TMEM184B: variants seen among roughly 807,000 people sequenced by gnomAD.
TMEM184B encodes putative MAPK-activating protein FM08.
In TMEM184B, 17 loss-of-function variants were observed where a neutral mutation model predicts 41.8. That is an observed-to-expected ratio of 0.41 (90% CI 0.28 to 0.61). TMEM184B has a LOEUF of 0.61. Ranked by LOEUF, TMEM184B falls within the 20% of genes least tolerant of loss-of-function variation. The pLI is 0.34. For missense variants in TMEM184B, 393 were observed against 557.8 expected (o/e 0.70, Z 2.98); for synonymous variants, 240 against 229.5 (o/e 1.05, Z -0.41).
At chr22:38,234,925 C>T (rs2091734517) in intron 3 of TMEM184B, among the ~76,000 whole-genome samples, 1 of 152,148 alleles carries the variant, frequency 6.6e-6, no homozygotes, top group Non-Finnish European at 1.5e-5. Flanking sequence ...TAACTCCTCC[C>T]TTGGTGGGGT....
chr22:38,230,261 A>G (rs1014953784), intron 5 of TMEM184B, among the ~76,000 whole-genome samples: 2 of 152,266 alleles, frequency 1.3e-5, no homozygotes. Context: ...CAGGAAATGC[A>G]GGGAGAGACG....
Position 38,246,789 on chromosome 22 carries a change from G to A in TMEM184B, c.193-689C>T, listed in dbSNP as rs2092040075. On this transcript the variant is annotated intron_variant, in intron 2 of 8. Coordinates refer to ENST00000361906, the MANE Select transcript of TMEM184B (RefSeq NM_012264.5). ...AAAAAAGTAAAAGCTACACACAAAT[G>A]CCAAGAGCTGCTCTACCACAGTCCT... The A allele has an allele frequency of 5.6e-6, 7 of 1,241,830 alleles. No individual in the cohort carries two copies. The South Asian group carries it at 9.7e-5, about 17-fold the overall frequency. The allele number at this position is 1,241,830 out of a possible 1,614,324, so 76.9% of individuals were successfully genotyped here.
Position 38,239,614 on chromosome 22 carries a change from C to T in TMEM184B, c.358+6321G>A, listed in dbSNP as rs554122397. On this transcript the variant is annotated intron_variant, in intron 3 of 8. Coordinates refer to ENST00000361906, the MANE Select transcript of TMEM184B (RefSeq NM_012264.5). This position sits in a 1 kb window ranked among gnomAD's most constrained non-coding sequence, Gnocchi z 4.6. The stretch of plus-strand genomic sequence containing the variant: ...CGCAGAAGCTGGTTAAAAGTCTCCA[C>T]GTGGAGCCACTGCATTACAAGTTTC... 2 of 152,284 alleles carry T rather than the reference C, an allele frequency of 1.3e-5. No homozygotes were observed. Among genetic ancestry groups the T allele is most frequent in the East Asian group, 1.9e-4 (1 of 5,186 alleles). The allele number at this position is 152,284 out of a possible 1,614,324, so 9.4% of individuals were successfully genotyped here. A position where few individuals can be genotyped will look rare whatever the true frequency, so the allele number is the denominator to read the frequency against.
In TMEM184B at chr22:38,220,864, T is replaced by C; in HGVS notation, c.*605A>G. On this transcript the variant is annotated 3_prime_UTR_variant, in exon 9 of 9. Transcript: ENST00000361906. ...GCCCAGGGGCCCTGAATGCCCTTCC[T>C]GGGTGGGGCCTGTGACTCCTGGTGT... The C allele has an allele frequency of 1.0e-6, 1 of 986,144 alleles. No homozygotes were observed. The highest frequency in any genetic ancestry group is 1.2e-6 in the Non-Finnish European group (1 of 830,134). 61.1% of individuals were successfully genotyped at this position (986,144 alleles called of 1,614,324 possible).
chr22:38,244,134 G>C (rs2091973809), intron 3 of TMEM184B, among the ~76,000 whole-genome samples: 1 of 152,132 alleles, frequency 6.6e-6, no homozygotes, highest in Admixed American at 6.5e-5. Context: ...GCTCCTGTTG[G>C]GCGCCTCCAT....
chr22:38,243,547 A>G (rs1020672026), intron 3 of TMEM184B, among the ~76,000 whole-genome samples: 2 of 152,282 alleles, frequency 1.3e-5, no homozygotes, highest in South Asian at 2.1e-4. Context: ...CACTTCGCCA[A>G]TTCCAGCCTT....
At position 38,221,186 on chromosome 22, in the gene TMEM184B, C is replaced by T; in HGVS notation, c.*283G>A. 3.9e-6 allele frequency: 5 copies of T among 1,289,350 alleles called. No homozygotes were observed. In the South Asian group the frequency reaches 1.0e-4, roughly 27 times the overall value. The allele number at this position is 1,289,350 out of a possible 1,614,324, so 79.9% of individuals were successfully genotyped here. On this transcript the variant is annotated 3_prime_UTR_variant, in exon 9 of 9. Coordinates refer to ENST00000361906, the MANE Select transcript of TMEM184B (RefSeq NM_012264.5). ...TGGGTGCGGCTGGTCCCAGCATGCC[C>T]CCAGCACAGGACGGGCAGCAGGGGC...
At position 38,246,050 on chromosome 22, in the gene TMEM184B, G is replaced by A. The variant is rs770633607; in HGVS notation, c.243C>T (p.Ile81=). The A allele has an allele frequency of 7.1e-5, 114 of 1,613,208 alleles. No individual in the cohort carries two copies. Among genetic ancestry groups the A allele is most frequent in the Middle Eastern group, 3.3e-4 (2 of 6,048 alleles). Residue 81 remains isoleucine, a synonymous_variant, in exon 3 of 9, where the codon ATC becomes ATT. Coordinates refer to ENST00000361906, the MANE Select transcript of TMEM184B (RefSeq NM_012264.5). ...TGGGCACGATGAAGAGGATGCGCAC[G>A]ATGTAGCGCTGCTCGTTGGGGCAGC... ...CYSCPNEQRY[I]VRILFIVPIY...
intron 1 of TMEM184B, 61 bp downstream of exon 1, chr22:38,272,823 C>T (rs888113496): frequency 3.0e-6 from 3 of 984,848 alleles, no homozygotes; most frequent in Non-Finnish European, 3.6e-6. Flanking sequence ...AGCAGCCCCC[C>T]GCGCTCGGGA....
chr22:38,247,131 A>G (rs994707671), intron 2 of TMEM184B, among the ~76,000 whole-genome samples: 2 of 152,118 alleles, frequency 1.3e-5, no homozygotes, highest in African/African-American at 4.8e-5. Context: ...CTTGACTTCT[A>G]TCCCACTCTA....
chr22:38,220,487 C>T lies in TMEM184B; in HGVS notation c.*982G>A, dbSNP rs190947479. ...GACCATTCCCCCCACCTCCCAGCTC[C>T]CCACTGTGTGGCCACCCCTCCCGGT... On this transcript the variant is annotated 3_prime_UTR_variant, in exon 9 of 9. Coordinates refer to ENST00000361906, the MANE Select transcript of TMEM184B (RefSeq NM_012264.5). 8 of 985,976 alleles carry T rather than the reference C, an allele frequency of 8.1e-6. No homozygotes were observed. In the East Asian group the frequency reaches 7.9e-4, roughly 98 times the overall value. The allele number at this position is 985,976 out of a possible 1,614,324, so 61.1% of individuals were successfully genotyped here. A position where few individuals can be genotyped will look rare whatever the true frequency, so the allele number is the denominator to read the frequency against.
At chr22:38,269,166 C>T in intron 1 of TMEM184B, among the ~76,000 whole-genome samples, 1 of 152,222 alleles carries the variant, frequency 6.6e-6, no homozygotes, top group Non-Finnish European at 1.5e-5. Flanking sequence ...CTCTGGGTCA[C>T]CAGAACTGCT....
rs553035267 is a variant in TMEM184B, at chr22:38,272,975, T to G, written c.-150A>C. 2.0e-4 allele frequency: 50 copies of G among 245,314 alleles called. 1 individual carries two copies. Among genetic ancestry groups the G allele is most frequent in the Middle Eastern group, 2.0e-3 (1 of 492 alleles). 15.2% of individuals were successfully genotyped at this position (245,314 alleles called of 1,614,324 possible). ...CGGGCGGCGCCGCAGCCCCGGAGTCTCCGCCGCCGCCGGCGCGTCCCGGGC... is the reference window on the plus strand; with the variant it reads ...CGGGCGGCGCCGCAGCCCCGGAGTCGCCGCCGCCGCCGGCGCGTCCCGGGC... On this transcript the variant is annotated 5_prime_UTR_variant, in exon 1 of 9. Transcript: ENST00000361906.
At position 38,244,460 on chromosome 22, in the gene TMEM184B, C is replaced by CT. The variant is rs561655176; in HGVS notation, c.358+1474dup. Among the ~76,000 whole-genome samples the CT allele has an allele frequency of 4.4e-3, 627 of 143,136 alleles. 4 individuals carry two copies. Among genetic ancestry groups the CT allele is most frequent in the African/African-American group, 0.014 (534 of 39,276 alleles). The allele number at this position is 143,136 out of a possible 152,430, so 93.9% of individuals were successfully genotyped here. On this transcript the variant is annotated intron_variant, in intron 3 of 8. Transcript: ENST00000361906. ...ATAGCATGGGTATCAATGTAGGGGT[C>CT]TTTTTTTTTTTTTGAGACAGAGTTT...
At chr22:38,271,596 T>C (rs879857531) in intron 1 of TMEM184B, among the ~76,000 whole-genome samples, 2 of 147,490 alleles carry the variant, frequency 1.4e-5, no homozygotes, top group Non-Finnish European at 3.0e-5. Flanking sequence ...CCCCGGGAAC[T>C]GAACCTGCCT....
chr22:38,246,498 G>A (rs1203697561), intron 2 of TMEM184B: 7 of 268,874 alleles, frequency 2.6e-5, no homozygotes, highest in East Asian at 8.9e-5. Flanking sequence ...ACCTCACTCC[G>A]GCTGTGACTG....
chr22:38,227,613 G>A (rs1439356642), intron 5 of TMEM184B, among the ~76,000 whole-genome samples: 1 of 152,204 alleles, frequency 6.6e-6, no homozygotes. Flanking sequence ...GGAGCCCAGA[G>A]CACGTGGACT....
chr22:38,221,586 G>A lies in TMEM184B; in HGVS notation c.1107C>T (p.Thr369=), dbSNP rs745801636. The part of the protein sequence containing the change: ...PAYQQYTQQS[T]LEPGPTWRGG... ...CACGCCAGGTGGGCCCAGGCTCCAG[G>A]GTGGACTGCTGCGTGTACTGCTGGT... Residue 369 remains threonine, a synonymous_variant, in exon 9 of 9, where the codon ACC becomes ACT. Transcript: ENST00000361906. 4 of 1,613,982 alleles carry A rather than the reference G, an allele frequency of 2.5e-6. No individual in the cohort carries two copies. The highest frequency in any genetic ancestry group is 2.2e-5 in the East Asian group (1 of 44,878).
In TMEM184B at chr22:38,225,121, C is replaced by T. The variant is rs974092210; in HGVS notation, c.788-142G>A. 49 of 1,026,302 alleles carry T rather than the reference C, an allele frequency of 4.8e-5. 1 individual carries two copies. The highest frequency in any genetic ancestry group is 9.8e-5 in the African/African-American group (6 of 61,144). 63.6% of individuals were successfully genotyped at this position (1,026,302 alleles called of 1,614,324 possible). A position where few individuals can be genotyped will look rare whatever the true frequency, so the allele number is the denominator to read the frequency against. ...AGCTGCTCCTGCAGGGCAGGGGTAG[C>T]GACACAAGGCCACAGCCTCCGGAAA... On this transcript the variant is annotated intron_variant, in intron 7 of 8. Coordinates refer to ENST00000361906, the MANE Select transcript of TMEM184B (RefSeq NM_012264.5). The surrounding 1 kb of genome is among the most constrained non-coding windows in gnomAD (Gnocchi z 4.4).
Sources: allele counts gnomAD v4.1 joint callset (sites outside exome capture counted in the v4.1 genomes callset), GRCh38; gene constraint gnomAD v4.1.1; non-coding constraint Gnocchi (gnomAD v3.1); transcripts MANE v1.5; gene names NCBI Gene and HGNC (gene_info 2026-07-23, HGNC 2026-07-21).